Variants in ITGA9 observed in about 807,000 individuals in gnomAD.
ITGA9 encodes integrin alpha-9.
Under a neutral mutation model 127.8 loss-of-function variants are expected in ITGA9, and 56 were observed. The ratio of observed to expected loss-of-function variants is 0.44; its 90% CI spans 0.35 to 0.55. ITGA9 has a LOEUF of 0.55. ITGA9 is among the 20% of genes least tolerant of loss of function. The probability of loss-of-function intolerance (pLI) is 0.00; values close to 1 mark genes in which losing one functional copy is unlikely to be tolerated. For missense variants in ITGA9, 1,196 were observed against 1,347.1 expected, an observed-to-expected ratio of 0.89 and a Z score of 1.76; for synonymous variants, 508 against 514.5, an observed-to-expected ratio of 0.99 and a Z score of 0.17.
chr3:37,746,324 G>A (rs1696500096), intron 22 of ITGA9, among the ~76,000 whole-genome samples: 1 of 152,130 alleles, frequency 6.6e-6, no homozygotes, highest in South Asian at 2.1e-4. Context: ...CAGGAGAAAG[G>A]CAGAAATACT....
intron 15 of ITGA9, among the ~76,000 whole-genome samples, chr3:37,571,252 T>C (rs1699599431): frequency 6.6e-6 from 1 of 151,802 alleles, no homozygotes; most frequent in Admixed American, 6.6e-5. Context: ...GGAGAGAGAG[T>C]GCAAAATCTG....
At chr3:37,574,940 G>C (rs1699638790) in intron 15 of ITGA9, among the ~76,000 whole-genome samples, 1 of 152,162 alleles carries the variant, frequency 6.6e-6, no homozygotes, top group South Asian at 2.1e-4. Context: ...CCCTGCCCTG[G>C]AATTGCTTTC....
At chr3:37,668,290 G>A (rs1408224935) in intron 17 of ITGA9, among the ~76,000 whole-genome samples, 1 of 152,212 alleles carries the variant, frequency 6.6e-6, no homozygotes, top group African/African-American at 2.4e-5. Context: ...CCTTCCTCCT[G>A]AGACACCCGG....
rs548468330 is a variant in ITGA9 at position 37,702,357 on chromosome 3, A to G, written c.2067+18342A>G. ...ATGCACACACTTCTCCCAGATGAAG[A>G]TTTGCCTTCATCCAAGGGGAATGTC... On this transcript the variant is annotated intron_variant, in intron 18 of 27. Coordinates refer to ENST00000264741, the MANE Select transcript of ITGA9 (RefSeq NM_002207.3). 2.1e-3 allele frequency among the ~76,000 whole-genome samples: 319 copies of G among 152,274 alleles called. 1 individual carries two copies. Among genetic ancestry groups the G allele is most frequent in the African/African-American group, 7.4e-3 (307 of 41,564 alleles).
At chr3:37,636,832 G>A (rs1442793137) in intron 16 of ITGA9, among the ~76,000 whole-genome samples, 1 of 151,994 alleles carries the variant, frequency 6.6e-6, no homozygotes, top group African/African-American at 2.4e-5. Context: ...AAGGGATCCA[G>A]TTTCAGCTTT....
intron 22 of ITGA9, among the ~76,000 whole-genome samples, chr3:37,746,876 G>C (rs1440094142): frequency 6.6e-6 from 1 of 152,162 alleles, no homozygotes; most frequent in Non-Finnish European, 1.5e-5. Context: ...CTAGGGAAGA[G>C]CTAGCTGGAG....
intron 8 of ITGA9, among the ~76,000 whole-genome samples, chr3:37,509,333 A>G (rs1030007169): frequency 2.0e-5 from 3 of 152,188 alleles, no homozygotes; most frequent in African/African-American, 7.2e-5. Context: ...TGAGCTTATC[A>G]GTCATGCACT....
At position 37,518,771 on chromosome 3, in the gene ITGA9, C is replaced by CTTTTTTTTTTTTTTTTTTTTTTTTTTT. The variant is rs543297344; in HGVS notation, c.1142-484_1142-458dup. On this transcript the variant is annotated intron_variant, in intron 10 of 27. Coordinates refer to ENST00000264741, the MANE Select transcript of ITGA9 (RefSeq NM_002207.3). ...GTCAGCTTCTATAGTTTTCACTGTACTTTTTTTTTTTTTTTTTTTTTTTTT... is the reference window on the plus strand; with the variant it reads ...GTCAGCTTCTATAGTTTTCACTGTACTTTTTTTTTTTTTTTTTTTTTTTTTTTTTTTTTTTTTTTTTTTTTTTTTTTT... Among the ~76,000 whole-genome samples, 3 of 43,492 alleles carry CTTTTTTTTTTTTTTTTTTTTTTTTTTT rather than the reference C, an allele frequency of 6.9e-5. 1 individual carries two copies. Among genetic ancestry groups the CTTTTTTTTTTTTTTTTTTTTTTTTTTT allele is most frequent in the Non-Finnish European group, 4.1e-5 (1 of 24,488 alleles). The allele number at this position is 43,492 out of a possible 152,430, so 28.5% of individuals were successfully genotyped here.
intron 11 of ITGA9, among the ~76,000 whole-genome samples, chr3:37,523,068 C>CTGTAATG (rs1699060382): frequency 6.6e-6 from 1 of 152,150 alleles, no homozygotes; most frequent in African/African-American, 2.4e-5. Flanking sequence ...GGGAAAGACT[C>CTGTAATG]TGTAATGTGT....
At chr3:37,628,353 G>A (rs1303708685) in intron 15 of ITGA9, among the ~76,000 whole-genome samples, 21 of 152,128 alleles carry the variant, frequency 1.4e-4, no homozygotes, top group Non-Finnish European at 2.9e-5. Flanking sequence ...AGATTGTGGG[G>A]GCCAGAGTCC....
At chr3:37,549,425 G>A (rs1391090975) in intron 15 of ITGA9, among the ~76,000 whole-genome samples, 1 of 152,230 alleles carries the variant, frequency 6.6e-6, no homozygotes, top group Non-Finnish European at 1.5e-5. Context: ...TGACACTTCA[G>A]TGGTTATCGT....
At position 37,525,911 on chromosome 3, in the gene ITGA9, TCTGAGGGCTCTCC is replaced by T. The variant is rs1699088172; in HGVS notation, c.1328-114_1328-102del. 6.0e-6 allele frequency: 5 copies of T among 831,608 alleles called. No homozygotes were observed. In the South Asian group the frequency reaches 6.7e-5, roughly 11 times the overall value. The allele number at this position is 831,608 out of a possible 1,614,324, so 51.5% of individuals were successfully genotyped here. On this transcript the variant is annotated intron_variant, in intron 12 of 27. Transcript: ENST00000264741. ...CATTGTATAGCCCAGACAGTGGTCG[TCTGAGGGCTCTCC>T]GGCCTCAAGGCTGGGTCTCCATCCT...
At chr3:37,745,530 A>C (rs926872260) in intron 22 of ITGA9, 1 of 152,030 alleles carries the variant, frequency 6.6e-6, no homozygotes, top group Non-Finnish European at 1.5e-5. Flanking sequence ...AGTTGTTTCT[A>C]CTCTTTCCTA....
chr3:37,472,155 G>T (rs1698437734), intron 2 of ITGA9, among the ~76,000 whole-genome samples: 1 of 152,132 alleles, frequency 6.6e-6, no homozygotes, highest in South Asian at 2.1e-4. Context: ...AGCCCAGCTG[G>T]GACTGATTGG....
chr3:37,630,552 T>G (rs1700221061), intron 16 of ITGA9, among the ~76,000 whole-genome samples: 1 of 152,104 alleles, frequency 6.6e-6, no homozygotes, highest in East Asian at 1.9e-4. Flanking sequence ...TGACTGGCTG[T>G]GGGGGGGAAG....
At chr3:37,790,416 C>T (rs1215085532) in intron 26 of ITGA9, 9 of 455,038 alleles carry the variant, frequency 2.0e-5, no homozygotes, top group Non-Finnish European at 3.6e-5. Flanking sequence ...GGTTGGAATG[C>T]CTGATCCTGC....
chr3:37,683,009 C>G (rs1401383992), intron 17 of ITGA9, among the ~76,000 whole-genome samples: 2 of 152,294 alleles, frequency 1.3e-5, no homozygotes, highest in African/African-American at 4.8e-5. Context: ...ACACTAACGT[C>G]AAGTCACGCT....
chr3:37,723,947 T>A (rs1281895482), intron 18 of ITGA9, among the ~76,000 whole-genome samples: 1 of 152,246 alleles, frequency 6.6e-6, no homozygotes, highest in Non-Finnish European at 1.5e-5. Flanking sequence ...AGGAGCCCCA[T>A]GTTGCACAGG....
chr3:37,536,692 G>A (rs1699211450), intron 14 of ITGA9, among the ~76,000 whole-genome samples: 1 of 152,200 alleles, frequency 6.6e-6, no homozygotes, highest in African/African-American at 2.4e-5. Context: ...CTCATTAGCG[G>A]GACACAAGCT....
Sources: allele counts gnomAD v4.1 joint callset (sites outside exome capture counted in the v4.1 genomes callset), GRCh38; gene constraint gnomAD v4.1.1; transcripts MANE v1.5; gene names NCBI Gene and HGNC (gene_info 2026-07-23, HGNC 2026-07-21).